The following WWOX variants were observed in gnomAD, a reference collection of about 807,000 sequenced individuals.
WWOX encodes the protein WW domain containing oxidoreductase, also known as WW domain-containing oxidoreductase.
WWOX carries 69 observed loss-of-function variants against 46.2 expected under a neutral mutation model. That is an observed-to-expected ratio of 1.49 (90% confidence interval 1.23 to 1.82). The LOEUF (loss-of-function observed/expected upper bound fraction) is 1.82. Ranked by LOEUF, WWOX falls within the 40% of genes most tolerant of loss-of-function variation. The pLI, the probability that WWOX is intolerant of heterozygous loss-of-function variation, is 0.00. For missense variants in WWOX, 919 were observed against 542.6 expected (o/e 1.69, Z -6.89); for synonymous variants, 359 against 202.6 (o/e 1.77, Z -6.56).
chr16:78,659,657 G>A (rs1027406715), intron 8 of WWOX, among the ~76,000 whole-genome samples: 2 of 152,180 alleles, frequency 1.3e-5, no homozygotes, highest in Admixed American at 1.3e-4. Context: ...GAGTTCAGGA[G>A]AGTTGTGTTT....
intron 8 of WWOX, among the ~76,000 whole-genome samples, chr16:79,139,197 G>A (rs541119716): frequency 5.3e-5 from 8 of 152,306 alleles, no homozygotes; most frequent in African/African-American, 1.9e-4. Flanking sequence ...ATTTCAGCGT[G>A]CCTCCTAAGA....
At position 78,769,724 on chromosome 16, in the gene WWOX, C is replaced by T. The variant is rs148655384; in HGVS notation, c.1056+336972C>T. Among the ~76,000 whole-genome samples the T allele has an allele frequency of 3.3e-3, 498 of 151,268 alleles. 1 individual carries two copies. The highest frequency in any genetic ancestry group is 5.0e-3 in the Non-Finnish European group (341 of 67,814). ...TACTAAAGGGTAAAGAGAATCAGGC[C>T]GAGCACAGTGACTCATGCCTGTCTG... On this transcript the variant is annotated intron_variant, in intron 8 of 8. Coordinates refer to ENST00000566780, the MANE Select transcript of WWOX (RefSeq NM_016373.4).
At chr16:78,536,246 A>G (rs1159592809) in intron 8 of WWOX, among the ~76,000 whole-genome samples, 1 of 152,092 alleles carries the variant, frequency 6.6e-6, no homozygotes, top group Non-Finnish European at 1.5e-5. Context: ...TGAAGTTTTT[A>G]GTGTAAATGT....
intron 8 of WWOX, among the ~76,000 whole-genome samples, chr16:78,933,233 G>A (rs2045662605): frequency 1.3e-5 from 2 of 152,232 alleles, no homozygotes; most frequent in African/African-American, 4.8e-5. Context: ...AAGGTCAGGA[G>A]TTCGAGACCA....
Position 78,866,781 on chromosome 16 carries a change from C to T in WWOX, c.1057-344827C>T, listed in dbSNP as rs72802829. ...GGCTATCCAGGGAATTGGGGACAGT[C>T]TGTAATGTATCTTGAGCTAGGACCA... On this transcript the variant is annotated intron_variant, in intron 8 of 8. Transcript: ENST00000566780. Among the ~76,000 whole-genome samples, 303 of 152,340 alleles carry T rather than the reference C, an allele frequency of 2.0e-3. 1 individual carries two copies. Among genetic ancestry groups the T allele is most frequent in the Non-Finnish European group, 3.3e-3 (223 of 68,036 alleles).
chr16:78,417,001 G>A (rs2082812327), intron 6 of WWOX, among the ~76,000 whole-genome samples: 1 of 150,148 alleles, frequency 6.7e-6, no homozygotes, highest in Admixed American at 6.6e-5. Flanking sequence ...AAGACAGAAG[G>A]TATTGTGCAG....
chr16:78,290,707 G>A (rs1301505360), intron 5 of WWOX, among the ~76,000 whole-genome samples: 4 of 152,042 alleles, frequency 2.6e-5, no homozygotes, highest in East Asian at 3.9e-4. Context: ...ATTGATTCTT[G>A]GTGGGAAAAT....
At chr16:78,188,837 TG>T (rs1477974490) in intron 5 of WWOX, among the ~76,000 whole-genome samples, 1 of 152,174 alleles carries the variant, frequency 6.6e-6, no homozygotes, top group Non-Finnish European at 1.5e-5. Context: ...ATAATACCCC[TG>T]TTTGACAAGA....
chr16:78,664,290 T>C (rs2047281126), intron 8 of WWOX, among the ~76,000 whole-genome samples: 1 of 152,180 alleles, frequency 6.6e-6, no homozygotes, highest in Admixed American at 6.5e-5. Flanking sequence ...TAACTCTTCA[T>C]GTACACACCC....
chr16:79,040,120 G>C (rs2047942036), intron 8 of WWOX, among the ~76,000 whole-genome samples: 1 of 152,082 alleles, frequency 6.6e-6, no homozygotes, highest in African/African-American at 2.4e-5. Flanking sequence ...GTGAAGATTG[G>C]CTCACATCAG....
intron 8 of WWOX, among the ~76,000 whole-genome samples, chr16:78,690,613 T>C (rs867151934): frequency 5.3e-5 from 8 of 152,106 alleles, no homozygotes; most frequent in African/African-American, 1.9e-4. Context: ...TTGGTGGAAA[T>C]AGGGCACACA....
At chr16:78,318,554 G>T (rs2080400636) in intron 5 of WWOX, among the ~76,000 whole-genome samples, 2 of 152,192 alleles carry the variant, frequency 1.3e-5, no homozygotes, top group Non-Finnish European at 2.9e-5. Context: ...TAGGCACACA[G>T]TACTTGGATT....
At chr16:78,821,206 T>A (rs1434881589) in intron 8 of WWOX, among the ~76,000 whole-genome samples, 2 of 152,182 alleles carry the variant, frequency 1.3e-5, no homozygotes, top group African/African-American at 2.4e-5. Context: ...CACACCCATC[T>A]ACTTATCCCT....
chr16:78,974,926 C>T (rs1479094272), intron 8 of WWOX, among the ~76,000 whole-genome samples: 4 of 152,246 alleles, frequency 2.6e-5, no homozygotes, highest in East Asian at 1.9e-4. Flanking sequence ...GATGCAGCCT[C>T]GGAATTTAAT....
chr16:78,852,422 G>C (rs923186922), intron 8 of WWOX, among the ~76,000 whole-genome samples: 2 of 152,190 alleles, frequency 1.3e-5, no homozygotes, highest in African/African-American at 2.4e-5. Flanking sequence ...TACTCAAACA[G>C]CACCATGGGG....
chr16:78,513,098 C>T (rs1255701062), intron 8 of WWOX, among the ~76,000 whole-genome samples: 1 of 152,062 alleles, frequency 6.6e-6, no homozygotes, highest in Non-Finnish European at 1.5e-5. Context: ...TTGGAGATTC[C>T]AACTGGTTTG....
chr16:78,229,068 A>G (rs949187756), intron 5 of WWOX, among the ~76,000 whole-genome samples: 2 of 152,170 alleles, frequency 1.3e-5, no homozygotes, highest in Admixed American at 1.3e-4. Context: ...TAATACCAGC[A>G]TGTCCCGTTT....
intron 5 of WWOX, among the ~76,000 whole-genome samples, chr16:78,232,414 G>A (rs1446257623): frequency 2.0e-5 from 3 of 152,108 alleles, no homozygotes; most frequent in Non-Finnish European, 2.9e-5. Flanking sequence ...TTGTCAGGTC[G>A]TTCCCTCCCC....
At chr16:78,747,067 A>T (rs1000139081) in intron 8 of WWOX, among the ~76,000 whole-genome samples, 3 of 151,834 alleles carry the variant, frequency 2.0e-5, no homozygotes, top group Non-Finnish European at 4.4e-5. Flanking sequence ...TCCTCCCAAT[A>T]TCCTGCAACC....
Sources: gnomAD v4.1 joint callset for allele counts (sites outside exome capture counted in the v4.1 genomes callset) on GRCh38, gnomAD v4.1.1 for gene constraint, MANE v1.5 for transcripts, NCBI Gene and HGNC (gene_info 2026-07-23, HGNC 2026-07-21) for gene names.